TRDN: variants seen among roughly 807,000 people sequenced by gnomAD.
TRDN encodes triadin.
TRDN carries 161 observed loss-of-function variants against 149.7 expected under a neutral mutation model. The ratio of observed to expected loss-of-function variants is 1.08; its 90% CI spans 0.95 to 1.23. The LOEUF (loss-of-function observed/expected upper bound fraction) is 1.23, where lower values mean the gene tolerates loss of function less well. Among genes scored for constraint, TRDN ranks in the 50% most tolerant of loss-of-function variants. TRDN has a pLI of 0.00. For missense variants in TRDN, 896 were observed against 823.5 expected (o/e 1.09, Z -1.08); for synonymous variants, 294 against 250.5 (o/e 1.17, Z -1.64).
chr6:123,262,305 T>C (rs1776799447), intron 33 of TRDN, among the ~76,000 whole-genome samples: 1 of 152,038 alleles, frequency 6.6e-6, no homozygotes, highest in Non-Finnish European at 1.5e-5. Context: ...ACTGTGTTTA[T>C]TCAATACATC....
intron 14 of TRDN, among the ~76,000 whole-genome samples, chr6:123,385,473 T>C (rs904698481): frequency 6.6e-5 from 10 of 151,350 alleles, no homozygotes; most frequent in Admixed American, 3.3e-4. Flanking sequence ...TACCAATTTA[T>C]ATTGAAGGGA....
intron 1 of TRDN, among the ~76,000 whole-genome samples, chr6:123,580,848 G>T (rs1783087528): frequency 6.6e-6 from 1 of 152,142 alleles, no homozygotes; most frequent in Non-Finnish European, 1.5e-5. Context: ...CATCCTCACA[G>T]TTTGCACTTG....
intron 1 of TRDN, among the ~76,000 whole-genome samples, chr6:123,619,827 G>A (rs1272272433): frequency 1.3e-5 from 2 of 152,024 alleles, no homozygotes; most frequent in African/African-American, 2.4e-5. Flanking sequence ...TACAAGAAAT[G>A]AGGACTCCAA....
At chr6:123,417,785 G>A (rs1218167763) in intron 12 of TRDN, among the ~76,000 whole-genome samples, 1 of 152,104 alleles carries the variant, frequency 6.6e-6, no homozygotes, top group African/African-American at 2.4e-5. Context: ...CCATCTCTCC[G>A]GTTTCTCATA....
intron 21 of TRDN, 47 bp from the exon 22 acceptor site, chr6:123,337,716 GA>G (rs1163131395): frequency 2.6e-6 from 3 of 1,161,924 alleles, no homozygotes; most frequent in East Asian, 3.0e-5. Flanking sequence ...AATAAGAGAG[GA>G]AAAAAATGCA....
At chr6:123,515,759 T>G (rs2114869849) in intron 6 of TRDN, among the ~76,000 whole-genome samples, 1 of 152,184 alleles carries the variant, frequency 6.6e-6, no homozygotes, top group African/African-American at 2.4e-5. Context: ...CATAAATAAA[T>G]AACAATTAGA....
At chr6:123,401,364 T>G (rs919560616) in intron 12 of TRDN, among the ~76,000 whole-genome samples, 1 of 152,212 alleles carries the variant, frequency 6.6e-6, no homozygotes, top group Non-Finnish European at 1.5e-5. Flanking sequence ...AAACGCTTTC[T>G]GGTACACTTA....
rs145963154 is a variant in TRDN, at chr6:123,349,854, A to G, written c.1369+2685T>C. ...TCTGATAAGGTGGATGAGGACAGTG[A>G]TAGATTTACAAAGCTTGCAATAGCA... On this transcript the variant is annotated intron_variant, in intron 21 of 40. Coordinates refer to ENST00000334268, the MANE Select transcript of TRDN (RefSeq NM_006073.4). The G allele has an allele frequency of 4.4e-4, 430 of 985,406 alleles. 5 individuals are homozygous for G. The East Asian group carries it at 0.029, about 66-fold the overall frequency. The allele number at this position is 985,406 out of a possible 1,614,324, so 61.0% of individuals were successfully genotyped here.
At chr6:123,514,631 A>AACAC (rs60716520) in intron 6 of TRDN, among the ~76,000 whole-genome samples, 32,110 of 147,372 alleles carry the variant, frequency 0.22, 3,646 homozygotes, top group Non-Finnish European at 0.26. Context: ...ACATACCCAA[A>AACAC]ACACACACAC....
chr6:123,436,716 A>G (rs960655758), intron 12 of TRDN, among the ~76,000 whole-genome samples: 1 of 152,054 alleles, frequency 6.6e-6, no homozygotes, highest in Non-Finnish European at 1.5e-5. Flanking sequence ...GAAGTTTTCA[A>G]TCTTCTTCGT....
intron 9 of TRDN, among the ~76,000 whole-genome samples, chr6:123,486,618 C>T (rs1410309286): frequency 6.6e-6 from 1 of 151,226 alleles, no homozygotes; most frequent in Non-Finnish European, 1.5e-5. Context: ...ATAACCTTAT[C>T]AAAAATATAA....
intron 24 of TRDN, among the ~76,000 whole-genome samples, chr6:123,299,727 G>T (rs1035465888): frequency 1.3e-5 from 2 of 151,628 alleles, no homozygotes; most frequent in African/African-American, 4.8e-5. Flanking sequence ...TCCACTAAAT[G>T]GGAAAGTAGA....
chr6:123,417,855 A>G (rs1488697899), intron 12 of TRDN, among the ~76,000 whole-genome samples: 2 of 152,196 alleles, frequency 1.3e-5, no homozygotes, highest in African/African-American at 2.4e-5. Context: ...TCCTTCTGAC[A>G]GAGCAGAGCA....
chr6:123,487,941 A>G (rs1256458145), intron 9 of TRDN, among the ~76,000 whole-genome samples: 1 of 152,128 alleles, frequency 6.6e-6, no homozygotes. Flanking sequence ...TTCGTATTAT[A>G]CAATCTAATG....
chr6:123,520,501 C>T (rs548863730), intron 5 of TRDN, among the ~76,000 whole-genome samples: 57 of 152,242 alleles, frequency 3.7e-4, no homozygotes, highest in African/African-American at 1.3e-3. Context: ...AATGTGCTGA[C>T]CGAATTCTCC....
intron 9 of TRDN, chr6:123,489,529 T>G (rs1003628420): frequency 1.3e-5 from 2 of 152,270 alleles, no homozygotes. Context: ...AAAAGGAAAT[T>G]TACCTATTTC....
In TRDN at chr6:123,269,839, C is replaced by G; in HGVS notation, c.1738+10G>C. 1.2e-6 allele frequency: 2 copies of G among 1,610,044 alleles called. No homozygotes were observed. Among genetic ancestry groups the G allele is most frequent in the Non-Finnish European group, 1.7e-6 (2 of 1,177,834 alleles). On this transcript the variant is annotated intron_variant, in intron 31 of 40. Transcript: ENST00000334268. ...GATATTTCTCAGGTGTTATTCTATT[C>G]ATCTCTTACTTGTTGGTTTGGGCTT...
At chr6:123,621,857 A>G (rs1416821957) in intron 1 of TRDN, among the ~76,000 whole-genome samples, 1 of 152,174 alleles carries the variant, frequency 6.6e-6, no homozygotes, top group Non-Finnish European at 1.5e-5. Context: ...AGTGAGAGTC[A>G]AAGTATGGAT....
At chr6:123,260,299 C>T (rs551213640) in intron 34 of TRDN, among the ~76,000 whole-genome samples, 2 of 152,068 alleles carry the variant, frequency 1.3e-5, no homozygotes, top group East Asian at 3.9e-4. Flanking sequence ...TATTTCTAAG[C>T]AAAATGTGGA....
Sources: allele counts gnomAD v4.1 joint callset (sites outside exome capture counted in the v4.1 genomes callset), GRCh38; gene constraint gnomAD v4.1.1; transcripts MANE v1.5; gene names NCBI Gene and HGNC (gene_info 2026-07-23, HGNC 2026-07-21).